PARK7: variants seen among roughly 807,000 people sequenced by gnomAD.
PARK7 encodes the protein Parkinson disease protein 7.
A neutral mutation model predicts 20.5 loss-of-function variants in PARK7; 14 were observed. The observed-to-expected ratio is 0.68, with a 90% CI of 0.45 to 1.07. The LOEUF (loss-of-function observed/expected upper bound fraction) is 1.07. Among genes scored for constraint, PARK7 ranks in the 50% least tolerant of loss-of-function variants. The probability of loss-of-function intolerance (pLI) is 0.00; values close to 1 mark genes in which losing one functional copy is unlikely to be tolerated. For missense variants in PARK7, 234 were observed against 238.1 expected (o/e 0.98, Z 0.11); for synonymous variants, 98 against 84.3 (o/e 1.16, Z -0.89).
intron 5 of PARK7, among the ~76,000 whole-genome samples, chr1:7,974,832 A>C (rs12064568): frequency 0.052 from 7,760 of 150,410 alleles, 669 homozygotes; most frequent in African/African-American, 0.18. Flanking sequence ...TTAAATTGGC[A>C]AACAGAAAAA....
chr1:7,975,739 C>T (rs1005965631), intron 5 of PARK7, among the ~76,000 whole-genome samples: 1 of 152,192 alleles, frequency 6.6e-6, no homozygotes, highest in South Asian at 2.1e-4. Flanking sequence ...TAAAAATTCT[C>T]GTTCACCGAT....
rs1036732339 is a variant in PARK7 at position 7,969,870 on chromosome 1, T to A, written c.252+466T>A. 4.0e-5 allele frequency among the ~76,000 whole-genome samples: 6 copies of A among 151,072 alleles called. No individual in the cohort carries two copies. The South Asian group carries it at 6.6e-4, about 17-fold the overall frequency. On this transcript the variant is annotated intron_variant, in intron 4 of 6. Transcript: ENST00000338639. ...TGGAATTATAGGCGTGAGCCACCAC[T>A]CCCGACCTCAAGAAAACATTTTTAA...
rs780082967 is a variant in PARK7, at chr1:7,981,102, C to T, written c.409+3364C>T. Among the ~76,000 whole-genome samples the T allele has an allele frequency of 5.1e-4, 77 of 152,244 alleles. 1 individual carries two copies. Among genetic ancestry groups the T allele is most frequent in the Middle Eastern group, 3.4e-3 (1 of 294 alleles). On this transcript the variant is annotated intron_variant, in intron 6 of 6. Coordinates refer to ENST00000338639, the MANE Select transcript of PARK7 (RefSeq NM_007262.5). Reference sequence around the variant, plus strand: ...CATTTGTCCACTGTTTGATGGCATCCGCATGCCTGGTCCCATACCCGAGCA... The same window carrying T: ...CATTTGTCCACTGTTTGATGGCATCTGCATGCCTGGTCCCATACCCGAGCA...
chr1:7,969,528 A>G (rs1640411164), intron 4 of PARK7, 124 bp downstream of exon 4: 4 of 711,962 alleles, frequency 5.6e-6, no homozygotes, highest in South Asian at 1.7e-5. Flanking sequence ...GGAGGCTGTG[A>G]AAAAAAAATA....
chr1:7,975,186 G>A (rs976586856), intron 5 of PARK7, among the ~76,000 whole-genome samples: 21 of 152,138 alleles, frequency 1.4e-4, no homozygotes, highest in African/African-American at 4.6e-4. Context: ...GTTAGGGATT[G>A]GAAACATTTT....
At chr1:7,981,675 T>C (rs1417581847) in intron 6 of PARK7, among the ~76,000 whole-genome samples, 1 of 151,364 alleles carries the variant, frequency 6.6e-6, no homozygotes, top group East Asian at 1.9e-4. Context: ...TTTTTTTTTT[T>C]TGAGACAGAG....
At chr1:7,983,912 A>G (rs1640764094) in intron 6 of PARK7, among the ~76,000 whole-genome samples, 1 of 152,240 alleles carries the variant, frequency 6.6e-6, no homozygotes, top group Admixed American at 6.5e-5. Flanking sequence ...CAGCCTTTTT[A>G]AAGAGTAAAC....
chr1:7,977,512 TG>T, intron 5 of PARK7, 139 bp from the exon 6 acceptor site: 1 of 701,802 alleles, frequency 1.4e-6, no homozygotes, highest in Non-Finnish European at 2.5e-6. Context: ...GTTGAATTCC[TG>T]GGCTCAAGCA....
At chr1:7,982,043 C>T (rs1438591718) in intron 6 of PARK7, among the ~76,000 whole-genome samples, 4 of 133,296 alleles carry the variant, frequency 3.0e-5, no homozygotes, top group African/African-American at 1.1e-4. Flanking sequence ...TGACGCATCT[C>T]GGCTCACTGC....
chr1:7,964,564 G>A (rs750366221), intron 2 of PARK7, among the ~76,000 whole-genome samples: 7 of 152,072 alleles, frequency 4.6e-5, no homozygotes, highest in Non-Finnish European at 1.0e-4. Flanking sequence ...GTTTCTTTGT[G>A]CAAATGTGAG....
At chr1:7,977,886 A>G in intron 6 of PARK7, 148 bp downstream of exon 6, 1 of 621,094 alleles carries the variant, frequency 1.6e-6, no homozygotes, top group Admixed American at 2.3e-5. Flanking sequence ...CAGCCTCCTG[A>G]GTAGCTGGGA....
At chr1:7,976,921 C>T (rs1460414255) in intron 5 of PARK7, among the ~76,000 whole-genome samples, 4 of 152,168 alleles carry the variant, frequency 2.6e-5, no homozygotes, top group African/African-American at 4.8e-5. Context: ...AGGGTTCCAG[C>T]GTGTTAGCCA....
chr1:7,970,054 G>A (rs1320146573), intron 4 of PARK7, among the ~76,000 whole-genome samples: 3 of 152,030 alleles, frequency 2.0e-5, no homozygotes, highest in East Asian at 1.9e-4. Context: ...AATTAGCTGG[G>A]CACGGTGGTG....
At chr1:7,969,867 C>T (rs1640425433) in intron 4 of PARK7, among the ~76,000 whole-genome samples, 1 of 152,164 alleles carries the variant, frequency 6.6e-6, no homozygotes, top group South Asian at 2.1e-4. Context: ...CGTGAGCCAC[C>T]ACTCCCGACC....
At chr1:7,962,641 TGA>T (rs1640232168) in intron 1 of PARK7, 120 bp from the exon 2 acceptor site, 3 of 652,964 alleles carry the variant, frequency 4.6e-6, no homozygotes, top group African/African-American at 1.8e-5. Flanking sequence ...CAGTTGTCTA[TGA>T]AAACCGTTTC....
At chr1:7,979,456 A>G (rs1173950745) in intron 6 of PARK7, among the ~76,000 whole-genome samples, 1 of 152,172 alleles carries the variant, frequency 6.6e-6, no homozygotes, top group Non-Finnish European at 1.5e-5. Flanking sequence ...ACATACAGTT[A>G]CATTTGATCC....
intron 5 of PARK7, 40 bp downstream of exon 5, chr1:7,971,003 G>C: frequency 6.2e-7 from 1 of 1,604,280 alleles, no homozygotes; most frequent in Non-Finnish European, 8.5e-7. Context: ...CGTCATTGGT[G>C]GGTGGGGTAG....
At chr1:7,970,385 G>A (rs1343549225) in intron 4 of PARK7, among the ~76,000 whole-genome samples, 4 of 152,188 alleles carry the variant, frequency 2.6e-5, no homozygotes, top group African/African-American at 9.6e-5. Flanking sequence ...TGTGGGGCTA[G>A]GGCTGCCAGC....
chr1:7,983,707 C>T (rs1235122503), intron 6 of PARK7, among the ~76,000 whole-genome samples: 4 of 152,224 alleles, frequency 2.6e-5, no homozygotes, highest in Non-Finnish European at 5.9e-5. Context: ...CTTTTGGGTG[C>T]TGGGCATGGA....
Sources: gnomAD v4.1 joint callset for allele counts (sites outside exome capture counted in the v4.1 genomes callset) on GRCh38, gnomAD v4.1.1 for gene constraint, MANE v1.5 for transcripts, NCBI Gene and HGNC (gene_info 2026-07-23, HGNC 2026-07-21) for gene names.